SOX6: variants seen among roughly 807,000 people sequenced by gnomAD.
SOX6 encodes transcription factor SOX-6.
A neutral mutation model predicts 97.8 loss-of-function variants in SOX6; 11 were observed. The observed-to-expected ratio is 0.11, with a 90% confidence interval of 0.07 to 0.19. The LOEUF (loss-of-function observed/expected upper bound fraction) is 0.19, where lower values mean the gene tolerates loss of function less well. Ranked by LOEUF, SOX6 falls within the 10% of genes least tolerant of loss-of-function variation. The pLI, the probability that SOX6 is intolerant of heterozygous loss-of-function variation, is 1.00. For synonymous variants in SOX6, 360 were observed against 371.4 expected (o/e 0.97, Z 0.35); for missense variants, 810 against 1,039.5 (o/e 0.78, Z 3.04).
In SOX6 at chr11:16,499,599, T is replaced by C. The variant is rs555520765; in HGVS notation, n.610-23211A>G. ...AAGAAGAAAAGAGAGAAGAATCAAATAGACGCAATAAAAAACGATAAAAGG... is the reference window on the plus strand; with the variant it reads ...AAGAAGAAAAGAGAGAAGAATCAAACAGACGCAATAAAAAACGATAAAAGG... On this transcript the variant is annotated intron_variant and non_coding_transcript_variant, in intron 4 of 5. Coordinates refer to the SOX6 transcript ENST00000524520. 2.9e-3 allele frequency among the ~76,000 whole-genome samples: 447 copies of C among 152,210 alleles called. 1 individual carries two copies. Among genetic ancestry groups the C allele is most frequent in the Non-Finnish European group, 5.3e-3 (358 of 68,012 alleles).
intron 1 of SOX6, among the ~76,000 whole-genome samples, chr11:16,466,139 T>C (rs1860026958): frequency 6.6e-6 from 1 of 152,236 alleles, no homozygotes; most frequent in African/African-American, 2.4e-5. Context: ...CAGCAATAAA[T>C]ATGTAAGTCA....
intron 9 of SOX6, among the ~76,000 whole-genome samples, chr11:16,067,755 C>T (rs796720496): frequency 5.9e-5 from 9 of 152,130 alleles, no homozygotes; most frequent in African/African-American, 2.2e-4. Flanking sequence ...ATTGCATGTC[C>T]ATATCCAAAC....
At chr11:16,071,119 A>AAACACCC (rs1332568653) in intron 9 of SOX6, among the ~76,000 whole-genome samples, 2 of 152,092 alleles carry the variant, frequency 1.3e-5, no homozygotes, top group African/African-American at 4.8e-5. Context: ...TTGTCCCAGG[A>AAACACCC]AACACCCAGA....
intron 4 of SOX6, among the ~76,000 whole-genome samples, chr11:16,596,246 T>C (rs1354403857): frequency 2.0e-5 from 3 of 152,254 alleles, no homozygotes; most frequent in Non-Finnish European, 4.4e-5. Flanking sequence ...TACTGTAATT[T>C]TCATACCTAG....
At chr11:16,013,273 TA>T (rs1254295080) in intron 13 of SOX6, among the ~76,000 whole-genome samples, 1 of 152,054 alleles carries the variant, frequency 6.6e-6, no homozygotes, top group East Asian at 1.9e-4. Context: ...AATATTTATT[TA>T]ATTACATATG....
At position 16,168,995 on chromosome 11, in the gene SOX6, C is replaced by T. The variant is rs145184014; in HGVS notation, c.777+14891G>A. ...TTGTTCCCATGAAATGATACTGTTG[C>T]GTGTCTGACTTTGTGCCAAACTTCC... On this transcript the variant is annotated intron_variant, in intron 6 of 15. Transcript: ENST00000683767. Among the ~76,000 whole-genome samples, 170 of 152,182 alleles carry T rather than the reference C, an allele frequency of 1.1e-3. 1 individual carries two copies. The highest frequency in any genetic ancestry group is 3.8e-3 in the African/African-American group (159 of 41,536).
chr11:16,518,253 TC>T (rs1232969329), intron 4 of SOX6, among the ~76,000 whole-genome samples: 1 of 152,148 alleles, frequency 6.6e-6, no homozygotes, highest in Non-Finnish European at 1.5e-5. Flanking sequence ...TGCATTTCCC[TC>T]CCTTCAGGGC....
chr11:16,567,568 T>TC (rs570319055), intron 4 of SOX6, among the ~76,000 whole-genome samples: 69 of 116,578 alleles, frequency 5.9e-4, no homozygotes, highest in South Asian at 5.9e-3. Flanking sequence ...TTTCTTTTTT[T>TC]TTTTTTTTTT....
intron 4 of SOX6, among the ~76,000 whole-genome samples, chr11:16,209,466 T>C (rs1031262286): frequency 6.6e-6 from 1 of 152,182 alleles, no homozygotes; most frequent in South Asian, 2.1e-4. Flanking sequence ...TCCTCAAAAA[T>C]ATTTCTGGGC....
At chr11:16,658,073 G>A (rs926998457) in intron 3 of SOX6, among the ~76,000 whole-genome samples, 4 of 152,054 alleles carry the variant, frequency 2.6e-5, no homozygotes, top group African/African-American at 4.8e-5. Flanking sequence ...AGATAATGCC[G>A]AACATTTTTC....
chr11:16,636,685 C>A (rs556901258), intron 3 of SOX6, among the ~76,000 whole-genome samples: 2 of 152,208 alleles, frequency 1.3e-5, no homozygotes, highest in African/African-American at 4.8e-5. Flanking sequence ...TCCCATAATC[C>A]CCATTTGTTG....
At chr11:16,343,735 A>G (rs1407165537) in intron 1 of SOX6, among the ~76,000 whole-genome samples, 2 of 152,036 alleles carry the variant, frequency 1.3e-5, no homozygotes, top group East Asian at 3.9e-4. Flanking sequence ...TAGAAATTAC[A>G]CGCTGAATAC....
intron 12 of SOX6, among the ~76,000 whole-genome samples, chr11:16,020,147 C>A (rs571232655): frequency 6.6e-6 from 1 of 152,240 alleles, no homozygotes; most frequent in South Asian, 2.1e-4. Context: ...CACATTGGTG[C>A]TGAGGGGTCA....
intron 3 of SOX6, among the ~76,000 whole-genome samples, chr11:16,283,471 A>G (rs1224374552): frequency 6.6e-6 from 1 of 151,726 alleles, no homozygotes; most frequent in Non-Finnish European, 1.5e-5. Flanking sequence ...ATTATCCCAA[A>G]TAAGTTACCT....
At chr11:16,521,405 C>A (rs1456638665) in intron 4 of SOX6, among the ~76,000 whole-genome samples, 1 of 152,172 alleles carries the variant, frequency 6.6e-6, no homozygotes, top group Non-Finnish European at 1.5e-5. Context: ...CTCCAACAGA[C>A]CTGCAGCTGA....
At chr11:16,063,527 T>C (rs1274029613) in intron 9 of SOX6, among the ~76,000 whole-genome samples, 7 of 81,078 alleles carry the variant, frequency 8.6e-5, no homozygotes, top group Non-Finnish European at 1.2e-4. Context: ...TATATATATA[T>C]ATATATATAT....
At chr11:16,272,969 T>A (rs1219088507) in intron 3 of SOX6, among the ~76,000 whole-genome samples, 2 of 151,954 alleles carry the variant, frequency 1.3e-5, no homozygotes, top group Non-Finnish European at 2.9e-5. Flanking sequence ...TTCTCATGGT[T>A]TAAGTCAAAA....
At chr11:16,432,365 C>G (rs2133077175) in intron 1 of SOX6, among the ~76,000 whole-genome samples, 1 of 152,242 alleles carries the variant, frequency 6.6e-6, no homozygotes, top group African/African-American at 2.4e-5. Flanking sequence ...GTGTAACTAT[C>G]TCTCTTTAAG....
At position 16,664,417 on chromosome 11, in the gene SOX6, A is replaced by G. The variant is rs567844583; in HGVS notation, n.429+50413T>C. 3.9e-5 allele frequency among the ~76,000 whole-genome samples: 6 copies of G among 152,284 alleles called. No homozygotes were observed. In the East Asian group the frequency reaches 1.2e-3, roughly 29 times the overall value. On this transcript the variant is annotated intron_variant and non_coding_transcript_variant, in intron 3 of 5. Transcript: ENST00000524520. Reference sequence around the variant, plus strand: ...CAGCACAGTGATTGTGGAACTTAGCATTGGAACTCAGTGCTGCCCTGTCAC... The same window carrying G: ...CAGCACAGTGATTGTGGAACTTAGCGTTGGAACTCAGTGCTGCCCTGTCAC...
Sources: allele counts gnomAD v4.1 joint callset (sites outside exome capture counted in the v4.1 genomes callset), GRCh38; gene constraint gnomAD v4.1.1; transcripts MANE v1.5; gene names NCBI Gene and HGNC (gene_info 2026-07-23, HGNC 2026-07-21).